HEATR5A: variants seen among roughly 807,000 people sequenced by gnomAD.
The protein encoded by HEATR5A is HEAT repeat-containing protein 5A.
In HEATR5A, 178 loss-of-function variants were observed where a neutral mutation model predicts 218.8. The ratio of observed to expected loss-of-function variants is 0.81; its 90% CI spans 0.72 to 0.92. The LOEUF (loss-of-function observed/expected upper bound fraction) is 0.92, where lower values mean the gene tolerates loss of function less well. Among genes scored for constraint, HEATR5A ranks in the 40% least tolerant of loss-of-function variants. The pLI, the probability that HEATR5A is intolerant of heterozygous loss-of-function variation, is 0.00. For missense variants in HEATR5A, 2,420 were observed against 2,418.9 expected (o/e 1.00, Z -0.01); for synonymous variants, 864 against 871.6 (o/e 0.99, Z 0.15).
chr14:31,329,455 G>A (rs528573592), intron 22 of HEATR5A, among the ~76,000 whole-genome samples: 6 of 152,278 alleles, frequency 3.9e-5, no homozygotes, highest in Middle Eastern at 3.4e-3. Flanking sequence ...CAGTCCCCAC[G>A]CAAGTCCAAA....
chr14:31,317,793 A>G (rs1230344429), intron 26 of HEATR5A, among the ~76,000 whole-genome samples: 1 of 152,192 alleles, frequency 6.6e-6, no homozygotes, highest in Non-Finnish European at 1.5e-5. Context: ...TGTTGCTGGG[A>G]CTGTGGCAAA....
At chr14:31,327,046 C>T (rs891149708) in intron 22 of HEATR5A, among the ~76,000 whole-genome samples, 13 of 151,964 alleles carry the variant, frequency 8.6e-5, no homozygotes, top group South Asian at 2.1e-4. Flanking sequence ...GCAATCTCGG[C>T]TCACTGCAAC....
chr14:31,298,508 C>T (rs1156315740), intron 33 of HEATR5A, among the ~76,000 whole-genome samples: 1 of 152,150 alleles, frequency 6.6e-6, no homozygotes, highest in Admixed American at 6.5e-5. Context: ...GTTGCCCACA[C>T]TGGTCTTGAA....
chr14:31,386,646 A>G, intron 8 of HEATR5A, 71 bp from the exon 9 acceptor site: 1 of 1,411,740 alleles, frequency 7.1e-7, no homozygotes, highest in South Asian at 1.5e-5. Context: ...TGTGAAGAGT[A>G]AAAAGGTATA....
At chr14:31,302,740 TTG>T (rs537175364) in intron 32 of HEATR5A, 35 of 500,226 alleles carry the variant, frequency 7.0e-5, no homozygotes, top group East Asian at 6.9e-4. Flanking sequence ...TTTAAATAAA[TTG>T]TGTGAGTATC....
chr14:31,394,522 T>TA (rs372932244), intron 5 of HEATR5A, among the ~76,000 whole-genome samples: 150 of 151,902 alleles, frequency 9.9e-4, no homozygotes, highest in Middle Eastern at 3.4e-3. Flanking sequence ...ATTCCAACAT[T>TA]AAAAAAACTC....
At chr14:31,306,907 TG>T in intron 30 of HEATR5A, 28 bp from the exon 31 acceptor site, 1 of 1,533,748 alleles carries the variant, frequency 6.5e-7, no homozygotes, top group Non-Finnish European at 8.8e-7. Context: ...TACAGGACAC[TG>T]TATTAGAAAT....
In HEATR5A at chr14:31,347,758, G is replaced by C; in HGVS notation, c.2858C>G (p.Pro953Arg). The C allele has an allele frequency of 6.3e-7, 1 of 1,595,178 alleles. No homozygotes were observed. Residue 953 changes from proline to arginine, a missense_variant, in exon 19 of 36, where the codon CCT becomes CGT. Coordinates refer to ENST00000543095, the MANE Select transcript of HEATR5A (RefSeq NM_015473.4). ...LYTLAQDSTS[P>R]DVQTWALHSL... ...ACATGAGGTACCCACCTGCACATCA[G>C]GAGAAGTGCTGTCCTGCGCCAAAGT...
chr14:31,312,317 A>T (rs1341686928), intron 28 of HEATR5A, among the ~76,000 whole-genome samples: 1 of 152,220 alleles, frequency 6.6e-6, no homozygotes, highest in East Asian at 1.9e-4. Context: ...TAAGAAAATA[A>T]AACAATGAAA....
At chr14:31,306,051 T>A (rs1452274444) in intron 31 of HEATR5A, among the ~76,000 whole-genome samples, 1 of 152,260 alleles carries the variant, frequency 6.6e-6, no homozygotes, top group Non-Finnish European at 1.5e-5. Context: ...TAAACACAGC[T>A]AAAGCAAGTA....
chr14:31,374,880 T>C lies in HEATR5A; in HGVS notation c.1797A>G (p.Glu599=). Residue 599 remains glutamate, a synonymous_variant, in exon 12 of 36, where the codon GAA becomes GAG. Transcript: ENST00000543095. ...ATGTAAACGAATCTCCTCGGCTCTT[T>C]TCTGTTTCTAGATCTTTAGGAGATG... ...FPASPKDLET[E]KSRGDSFTWQ... is the part of the protein sequence containing the mutation. 6.2e-7 allele frequency: 1 copy of C among 1,613,702 alleles called. No individual in the cohort carries two copies. The highest frequency in any genetic ancestry group is 1.1e-5 in the South Asian group (1 of 90,970).
chr14:31,400,920 A>G (rs1430792366), intron 2 of HEATR5A, among the ~76,000 whole-genome samples: 4 of 151,538 alleles, frequency 2.6e-5, no homozygotes, highest in African/African-American at 4.9e-5. Context: ...GGTCACTGCA[A>G]GCTCCGCCTC....
At chr14:31,412,136 G>A (rs1003494312) in intron 1 of HEATR5A, among the ~76,000 whole-genome samples, 2 of 152,066 alleles carry the variant, frequency 1.3e-5, no homozygotes, top group Non-Finnish European at 2.9e-5. Flanking sequence ...GATTACAGGC[G>A]TTGAGTCACT....
chr14:31,359,633 G>C (rs972461610), intron 14 of HEATR5A, among the ~76,000 whole-genome samples: 8 of 146,790 alleles, frequency 5.4e-5, no homozygotes, highest in African/African-American at 2.0e-4. Flanking sequence ...GACTGAGGCA[G>C]GAAAATCGCT....
intron 1 of HEATR5A, among the ~76,000 whole-genome samples, chr14:31,407,327 C>T (rs968192866): frequency 2.0e-5 from 3 of 152,138 alleles, no homozygotes; most frequent in Non-Finnish European, 4.4e-5. Flanking sequence ...CTAGAGTACA[C>T]TGTTTCCCAA....
rs530081787 is a variant in HEATR5A at position 31,334,031 on chromosome 14, C to T, written c.3367+3445G>A. Among the ~76,000 whole-genome samples, 11 of 79,930 alleles carry T rather than the reference C, an allele frequency of 1.4e-4. No homozygotes were observed. In the South Asian group the frequency reaches 5.1e-3, roughly 37 times the overall value. The allele number at this position is 79,930 out of a possible 152,430, so 52.4% of individuals were successfully genotyped here. A position where few individuals can be genotyped will look rare whatever the true frequency, so the allele number is the denominator to read the frequency against. On this transcript the variant is annotated intron_variant, in intron 22 of 35. Coordinates refer to ENST00000543095, the MANE Select transcript of HEATR5A (RefSeq NM_015473.4). ...CCAGCCAGGGCGACAGAGACAGACC[C>T]TGTCTCAAAAAAAAAAAAAAAAAAA...
rs200160216 is a variant in HEATR5A at position 31,295,932 on chromosome 14, T to G, written c.5596A>C (p.Thr1866Pro). 316 of 1,613,528 alleles carry G rather than the reference T, an allele frequency of 2.0e-4. 1 individual carries two copies. The Admixed American group carries it at 3.4e-3, about 17-fold the overall frequency. The change falls in exon 34 of 36, where the codon ACT (threonine) becomes CCT (proline). Residue 1866 changes from threonine (T) to proline (P), a missense_variant. Thr to Pro is a conservative substitution (Grantham distance 38, BLOSUM62 -1). Coordinates refer to ENST00000543095, the MANE Select transcript of HEATR5A (RefSeq NM_015473.4). Reference protein sequence around the residue: ...QKRCIDKFKATLEIKDPVVQI... With the variant: ...QKRCIDKFKAPLEIKDPVVQI... ...ACCACAGGATCTTTTATCTCAAGAG[T>G]AGCTTTAAATTTATCAATACAGCGC...
chr14:31,293,439 GAGA>G lies in HEATR5A; in HGVS notation c.6004_6006del (p.Ser2002del), dbSNP rs1343830302. On this transcript the variant is annotated inframe_deletion, in exon 36 of 36. Transcript: ENST00000543095. ...GCCTCAAGGCGGGCTTTTAGGGCTG[GAGA>G]AGAAGCCACTAAACTTTTAAAAACA... 1.9e-6 allele frequency: 3 copies of G among 1,613,820 alleles called. No homozygotes were observed. Among genetic ancestry groups the G allele is most frequent in the Admixed American group, 1.7e-5 (1 of 59,982 alleles).
intron 33 of HEATR5A, among the ~76,000 whole-genome samples, chr14:31,300,171 T>C (rs1308056760): frequency 6.6e-6 from 1 of 151,896 alleles, no homozygotes; most frequent in Admixed American, 6.6e-5. Flanking sequence ...CATTCACGAC[T>C]CTTACACACT....
Sources: allele counts gnomAD v4.1 joint callset (sites outside exome capture counted in the v4.1 genomes callset), GRCh38; gene constraint gnomAD v4.1.1; transcripts MANE v1.5; gene names NCBI Gene and HGNC (gene_info 2026-07-23, HGNC 2026-07-21).